PBX4: variants seen among roughly 807,000 people sequenced by gnomAD.
PBX4 encodes PBX homeobox 4, also known as pre-B-cell leukemia transcription factor 4.
PBX4 carries 26 observed loss-of-function variants against 35.1 expected under a neutral mutation model. The ratio of observed to expected loss-of-function variants is 0.74; its 90% CI spans 0.54 to 1.03. The LOEUF is 1.03. PBX4 is among the 50% of genes least tolerant of loss of function. The pLI is 0.00. For missense variants in PBX4, 448 were observed against 504.3 expected (o/e 0.89, Z 1.07); for synonymous variants, 199 against 204.2 (o/e 0.97, Z 0.22).
chr19:19,586,143 G>A (rs1184728196), intron 2 of PBX4, among the ~76,000 whole-genome samples: 4 of 152,184 alleles, frequency 2.6e-5, no homozygotes, highest in African/African-American at 9.7e-5. Flanking sequence ...TGAGCATGTG[G>A]TGGCTTATGC....
intron 2 of PBX4, among the ~76,000 whole-genome samples, chr19:19,581,295 G>A (rs2061452586): frequency 6.6e-6 from 1 of 152,112 alleles, no homozygotes; most frequent in African/African-American, 2.4e-5. Flanking sequence ...CCATGCTGGG[G>A]TGGCCAAAAC....
At chr19:19,599,748 G>A (rs953244421) in intron 1 of PBX4, among the ~76,000 whole-genome samples, 8 of 152,118 alleles carry the variant, frequency 5.3e-5, no homozygotes, top group Non-Finnish European at 1.2e-4. Flanking sequence ...CAAGGCAGGC[G>A]GATTGCCTGA....
At chr19:19,573,330 T>TACAC (rs397838081) in intron 2 of PBX4, among the ~76,000 whole-genome samples, 6,545 of 133,236 alleles carry the variant, frequency 0.049, 243 homozygotes, top group East Asian at 0.17. Flanking sequence ...AAAAAAAATA[T>TACAC]ACACACACAC....
At chr19:19,593,634 C>A (rs2061542138) in intron 2 of PBX4, among the ~76,000 whole-genome samples, 1 of 152,210 alleles carries the variant, frequency 6.6e-6, no homozygotes, top group African/African-American at 2.4e-5. Flanking sequence ...CAGGAACAGG[C>A]ATCCCTCAGC....
At chr19:19,571,770 C>T (rs1040391800) in intron 2 of PBX4, among the ~76,000 whole-genome samples, 8 of 152,092 alleles carry the variant, frequency 5.3e-5, no homozygotes, top group Non-Finnish European at 1.2e-4. Flanking sequence ...CAGTGGCTCA[C>T]GCCTGTAATC....
chr19:19,605,449 C>CAATAATAATAAT (rs36012398), intron 1 of PBX4, among the ~76,000 whole-genome samples: 1 of 90,416 alleles, frequency 1.1e-5, no homozygotes, highest in Non-Finnish European at 2.3e-5. Context: ...ATAATAATAA[C>CAATAATAATAAT]AATAATAATA....
intron 2 of PBX4, among the ~76,000 whole-genome samples, chr19:19,581,758 C>T (rs995834082): frequency 1.3e-5 from 2 of 152,154 alleles, no homozygotes; most frequent in African/African-American, 2.4e-5. Flanking sequence ...AGGAAGGCTG[C>T]GGGAACCCAG....
chr19:19,615,814 C>T (rs1208875792), intron 1 of PBX4, among the ~76,000 whole-genome samples: 2 of 152,060 alleles, frequency 1.3e-5, no homozygotes, highest in South Asian at 2.1e-4. Context: ...CGCTTGAACC[C>T]GGGAGGCAGA....
intron 2 of PBX4, among the ~76,000 whole-genome samples, chr19:19,585,798 C>CA (rs1181352611): frequency 2.0e-5 from 3 of 152,042 alleles, no homozygotes; most frequent in Non-Finnish European, 4.4e-5. Flanking sequence ...ACCCCCTGCC[C>CA]AAAAAACACA....
intron 2 of PBX4, among the ~76,000 whole-genome samples, chr19:19,587,048 A>G (rs1035052408): frequency 2.0e-5 from 3 of 152,052 alleles, no homozygotes; most frequent in Non-Finnish European, 4.4e-5. Flanking sequence ...TCTATTGCCC[A>G]GGCTGGAGTG....
At chr19:19,614,931 G>A (rs1458225208) in intron 1 of PBX4, among the ~76,000 whole-genome samples, 7 of 151,754 alleles carry the variant, frequency 4.6e-5, no homozygotes, top group Non-Finnish European at 1.0e-4. Context: ...AGGCCGAGGT[G>A]GGTGGATCAT....
At chr19:19,592,453 G>A (rs1339944717) in intron 2 of PBX4, among the ~76,000 whole-genome samples, 2 of 152,152 alleles carry the variant, frequency 1.3e-5, no homozygotes, top group Non-Finnish European at 2.9e-5. Flanking sequence ...CAGACACTGT[G>A]GTGTGGTGAA....
At chr19:19,615,345 T>TA (rs564649103) in intron 1 of PBX4, among the ~76,000 whole-genome samples, 2,218 of 127,312 alleles carry the variant, frequency 0.017, 63 homozygotes, top group South Asian at 0.079. Flanking sequence ...CGGCCTTATA[T>TA]AAAAAAAAAA....
chr19:19,570,940 C>T lies in PBX4; in HGVS notation c.194-107G>A, dbSNP rs189295584. ...ATGTCTGAAGATTTTTGCATAGAAC[C>T]CTTCGGGAGAAAGGAATACTCCACT... On this transcript the variant is annotated intron_variant, in intron 2 of 7. Transcript: ENST00000251203. The T allele has an allele frequency of 1.6e-4, 232 of 1,423,960 alleles. No homozygotes were observed. In the African/African-American group the frequency reaches 3.1e-3, roughly 19 times the overall value. The allele number at this position is 1,423,960 out of a possible 1,614,324, so 88.2% of individuals were successfully genotyped here. A position where few individuals can be genotyped will look rare whatever the true frequency, so the allele number is the denominator to read the frequency against.
Position 19,594,150 on chromosome 19 carries a change from A to G in PBX4, c.193+5142T>C, listed in dbSNP as rs976810180. Among the ~76,000 whole-genome samples the G allele has an allele frequency of 9.9e-5, 15 of 151,864 alleles. 1 individual carries two copies. The highest frequency in any genetic ancestry group is 9.9e-4 in the Admixed American group (15 of 15,226). ...GCCGGGCATGGTGGCACATGGCTGTAATCCCAGCACTTTGGGAGGCCGAGG... is the reference window on the plus strand; with the variant it reads ...GCCGGGCATGGTGGCACATGGCTGTGATCCCAGCACTTTGGGAGGCCGAGG... On this transcript the variant is annotated intron_variant, in intron 2 of 7. Transcript: ENST00000251203.
chr19:19,586,170 T>C (rs551800961), intron 2 of PBX4, among the ~76,000 whole-genome samples: 2 of 152,196 alleles, frequency 1.3e-5, no homozygotes, highest in Admixed American at 6.6e-5. Flanking sequence ...TCCTAGCACT[T>C]TGAGGGGCTG....
chr19:19,584,056 C>T (rs576299836), intron 2 of PBX4, among the ~76,000 whole-genome samples: 4 of 151,580 alleles, frequency 2.6e-5, no homozygotes, highest in Middle Eastern at 3.2e-3. Flanking sequence ...GCAACAAGAG[C>T]GAAACTTCAT....
intron 2 of PBX4, among the ~76,000 whole-genome samples, chr19:19,580,125 C>A (rs936488406): frequency 6.6e-6 from 1 of 152,232 alleles, no homozygotes; most frequent in Admixed American, 6.5e-5. Context: ...ACAGCTTGCT[C>A]TGATCACACA....
Position 19,590,032 on chromosome 19 carries a change from C to T in PBX4, c.193+9260G>A, listed in dbSNP as rs538483717. 3.7e-4 allele frequency among the ~76,000 whole-genome samples: 56 copies of T among 152,256 alleles called. 1 individual carries two copies. In the South Asian group the frequency reaches 8.5e-3, roughly 23 times the overall value. ...AGCTACAGGCACACTGTTTTAGATA[C>T]GGCCCCTACCAAAGACCCTCAATCC... is the stretch of plus-strand genomic sequence containing the variant. On this transcript the variant is annotated intron_variant, in intron 2 of 7. Transcript: ENST00000251203.
Sources: gnomAD v4.1 joint callset for allele counts (sites outside exome capture counted in the v4.1 genomes callset) on GRCh38, gnomAD v4.1.1 for gene constraint, MANE v1.5 for transcripts, NCBI Gene and HGNC (gene_info 2026-07-23, HGNC 2026-07-21) for gene names.